DCC: variants seen among roughly 807,000 people sequenced by gnomAD.
DCC encodes netrin receptor DCC.
DCC carries 58 observed loss-of-function variants against 172.5 expected under a neutral mutation model. The ratio of observed to expected loss-of-function variants is 0.34; its 90% CI spans 0.27 to 0.42. The LOEUF (loss-of-function observed/expected upper bound fraction) is 0.42. Ranked by LOEUF, DCC falls within the 10% of genes least tolerant of loss-of-function variation. The probability of loss-of-function intolerance (pLI) is 1.00; values close to 1 mark genes in which losing one functional copy is unlikely to be tolerated. For synonymous variants in DCC, 709 were observed against 644.5 expected, an observed-to-expected ratio of 1.10 and a Z score of -1.52; for missense variants, 1,740 against 1,791.0, an observed-to-expected ratio of 0.97 and a Z score of 0.51.
intron 13 of DCC, among the ~76,000 whole-genome samples, chr18:53,309,048 GT>G (rs911741256): frequency 1.3e-5 from 2 of 151,570 alleles, no homozygotes; most frequent in Non-Finnish European, 2.9e-5. Context: ...TATTTGTTTT[GT>G]TTTTTTGAGA....
chr18:52,761,936 AAG>A (rs1491028144), intron 2 of DCC, among the ~76,000 whole-genome samples: 49 of 122,446 alleles, frequency 4.0e-4, no homozygotes, highest in African/African-American at 1.1e-3. Flanking sequence ...GAAAAAAAAA[AAG>A]AAGAAGGAAA....
intron 5 of DCC, among the ~76,000 whole-genome samples, chr18:52,942,737 C>T (rs2040483747): frequency 1.3e-5 from 2 of 152,186 alleles, no homozygotes; most frequent in East Asian, 1.9e-4. Context: ...GTCCCTCCCA[C>T]AACATGTAGG....
intron 5 of DCC, among the ~76,000 whole-genome samples, chr18:52,977,927 T>G (rs1017428242): frequency 1.3e-5 from 2 of 149,952 alleles, no homozygotes; most frequent in Admixed American, 6.7e-5. Flanking sequence ...AAAAAAAGCA[T>G]ATCTGCTTGG....
chr18:52,967,974 T>G lies in DCC; in HGVS notation c.985+42604T>G, dbSNP rs549568593. Among the ~76,000 whole-genome samples, 101 of 152,310 alleles carry G rather than the reference T, an allele frequency of 6.6e-4. 1 individual carries two copies. The highest frequency in any genetic ancestry group is 2.3e-3 in the African/African-American group (94 of 41,580). On this transcript the variant is annotated intron_variant, in intron 5 of 28. Coordinates refer to ENST00000442544, the MANE Select transcript of DCC (RefSeq NM_005215.4). ...CGCATTAAAATACACACATTTTACT[T>G]TGTTCAATGGTCATCAGATTTTTGA...
intron 15 of DCC, among the ~76,000 whole-genome samples, chr18:53,383,300 G>A (rs979497521): frequency 1.3e-5 from 2 of 151,884 alleles, no homozygotes; most frequent in African/African-American, 2.4e-5. Context: ...TTATTTGTTA[G>A]CTAGAATTAT....
intron 1 of DCC, among the ~76,000 whole-genome samples, chr18:52,701,296 TAGCAATA>T (rs2036118852): frequency 6.6e-6 from 1 of 152,160 alleles, no homozygotes. Context: ...ACCTGAACGA[TAGCAATA>T]ACTTCTTGGA....
chr18:53,076,209 A>C (rs1410168559), intron 7 of DCC, among the ~76,000 whole-genome samples: 1 of 152,180 alleles, frequency 6.6e-6, no homozygotes, highest in South Asian at 2.1e-4. Flanking sequence ...CAATGATAGA[A>C]GCATTCCTCC....
intron 18 of DCC, among the ~76,000 whole-genome samples, chr18:53,401,013 G>C (rs536967406): frequency 2.2e-3 from 334 of 152,192 alleles, no homozygotes; most frequent in Middle Eastern, 0.01. Flanking sequence ...ACTAATCTAA[G>C]TTATTTTGTG....
intron 2 of DCC, among the ~76,000 whole-genome samples, chr18:52,833,881 C>T (rs1373925814): frequency 2.0e-5 from 3 of 152,116 alleles, no homozygotes; most frequent in Non-Finnish European, 4.4e-5. Context: ...CCAGGCTAGT[C>T]TTGAACTCCT....
At chr18:53,131,986 G>A (rs986014311) in intron 7 of DCC, among the ~76,000 whole-genome samples, 2 of 32,382 alleles carry the variant, frequency 6.2e-5, no homozygotes, top group African/African-American at 1.9e-4. Context: ...TTTTTTTTTA[G>A]CTATATTACC....
chr18:53,369,265 T>A (rs1195809419), intron 15 of DCC, among the ~76,000 whole-genome samples: 4 of 151,966 alleles, frequency 2.6e-5, no homozygotes, highest in African/African-American at 7.2e-5. Context: ...CACAACTGAT[T>A]TTTTGTGTTA....
intron 1 of DCC, among the ~76,000 whole-genome samples, chr18:52,534,430 A>G (rs1045690873): frequency 7.2e-5 from 11 of 152,168 alleles, no homozygotes; most frequent in African/African-American, 2.7e-4. Flanking sequence ...CTTACCTGTC[A>G]TTAGATTAAT....
intron 1 of DCC, among the ~76,000 whole-genome samples, chr18:52,448,601 G>C (rs996413276): frequency 3.3e-5 from 5 of 152,140 alleles, no homozygotes; most frequent in African/African-American, 1.2e-4. Flanking sequence ...TTAGGTAGGT[G>C]GGTGGTGGTG....
intron 1 of DCC, among the ~76,000 whole-genome samples, chr18:52,385,084 G>C (rs1208166060): frequency 6.6e-6 from 1 of 152,046 alleles, no homozygotes; most frequent in African/African-American, 2.4e-5. Context: ...GTGATAAAAA[G>C]TGCATAGAGC....
intron 1 of DCC, among the ~76,000 whole-genome samples, chr18:52,610,328 C>T (rs1483680092): frequency 1.8e-5 from 2 of 112,020 alleles, no homozygotes; most frequent in Admixed American, 1.2e-4. Context: ...TGCAGTGAGC[C>T]GAGATGACAC....
chr18:53,366,857 C>A (rs940986968), intron 15 of DCC, among the ~76,000 whole-genome samples: 4 of 152,196 alleles, frequency 2.6e-5, no homozygotes, highest in Admixed American at 6.5e-5. Flanking sequence ...AACGTGTGAG[C>A]ACTCAGGGTC....
At chr18:53,172,555 AGTTT>A (rs2055029452) in intron 8 of DCC, among the ~76,000 whole-genome samples, 1 of 152,164 alleles carries the variant, frequency 6.6e-6, no homozygotes, top group East Asian at 1.9e-4. Context: ...TATTTCATCC[AGTTT>A]ATTTAGTATT....
chr18:52,679,364 T>A (rs1452032451), intron 1 of DCC, among the ~76,000 whole-genome samples: 1 of 152,114 alleles, frequency 6.6e-6, no homozygotes, highest in Admixed American at 6.6e-5. Context: ...GATAGTGTGT[T>A]CATTCTAAAG....
chr18:53,048,904 C>T (rs189958802), intron 5 of DCC, among the ~76,000 whole-genome samples: 140 of 151,648 alleles, frequency 9.2e-4, no homozygotes, highest in African/African-American at 2.5e-3. Flanking sequence ...TATCTCATTG[C>T]GGTTTTGATT....
Sources: allele counts gnomAD v4.1 joint callset (sites outside exome capture counted in the v4.1 genomes callset), GRCh38; gene constraint gnomAD v4.1.1; transcripts MANE v1.5; gene names NCBI Gene and HGNC (gene_info 2026-07-23, HGNC 2026-07-21).